TRIM21: variants seen among roughly 807,000 people sequenced by gnomAD.
The protein encoded by TRIM21 is tripartite motif containing 21.
In TRIM21, 35 loss-of-function variants were observed where a neutral mutation model predicts 36.1. The observed-to-expected ratio is 0.97, with a 90% CI of 0.74 to 1.28. The LOEUF (loss-of-function observed/expected upper bound fraction) is 1.28, where lower values mean the gene tolerates loss of function less well. Among genes scored for constraint, TRIM21 ranks in the 50% most tolerant of loss-of-function variants. The pLI is 0.00. For missense variants in TRIM21, 635 were observed against 570.7 expected, an observed-to-expected ratio of 1.11 and a Z score of -1.15; for synonymous variants, 256 against 211.5, an observed-to-expected ratio of 1.21 and a Z score of -1.83.
chr11:4,386,497 C>T (rs768834495), intron 5 of TRIM21, among the ~76,000 whole-genome samples: 2 of 152,194 alleles, frequency 1.3e-5, no homozygotes, highest in Non-Finnish European at 2.9e-5. Context: ...CCTGTCTAAG[C>T]CTGAGGTCAC....
At chr11:4,386,925 C>T (rs375985425) in intron 5 of TRIM21, 43 bp downstream of exon 5, 3 of 1,565,798 alleles carry the variant, frequency 1.9e-6, no homozygotes, top group Non-Finnish European at 2.6e-6. Flanking sequence ...GGCATATATG[C>T]TTTCTGCTGG....
At chr11:4,386,316 A>G in intron 5 of TRIM21, 59 bp from the exon 6 acceptor site, 1 of 1,362,914 alleles carries the variant, frequency 7.3e-7, no homozygotes, top group Non-Finnish European at 1.0e-6. Flanking sequence ...CCCTAACACT[A>G]TAACCTCCAT....
Position 4,385,165 on chromosome 11 carries a change from G to C in TRIM21, c.*120C>G. ...GTGACTTCCCTGCTAAAGCTCGCTT[G>C]CTGGGATCCGGATGCCTCTGCAGAG... On this transcript the variant is annotated 3_prime_UTR_variant, in exon 7 of 7. Transcript: ENST00000254436. 1.0e-6 allele frequency: 1 copy of C among 963,012 alleles called. No individual in the cohort carries two copies. 59.7% of individuals were successfully genotyped at this position (963,012 alleles called of 1,614,324 possible).
intron 3 of TRIM21, among the ~76,000 whole-genome samples, chr11:4,389,449 C>T (rs2094960100): frequency 1.3e-5 from 2 of 152,182 alleles, no homozygotes; most frequent in African/African-American, 4.8e-5. Flanking sequence ...GATCTTCAGG[C>T]CTGATGGGGA....
intron 1 of TRIM21, among the ~76,000 whole-genome samples, chr11:4,391,445 G>A (rs2094962946): frequency 6.6e-6 from 1 of 152,160 alleles, no homozygotes; most frequent in South Asian, 2.1e-4. Flanking sequence ...GTGAGGGTGT[G>A]GAGAAAAGGG....
chr11:4,390,269 C>T lies in TRIM21; in HGVS notation c.141G>A (p.Gly47=). 6.2e-7 allele frequency: 1 copy of T among 1,613,964 alleles called. No homozygotes were observed. The highest frequency in any genetic ancestry group is 8.5e-7 in the Non-Finnish European group (1 of 1,179,890). Residue 47 remains glycine (G), a synonymous_variant, in exon 2 of 7, where the codon GGG becomes GGA. Transcript: ENST00000254436. Reference sequence around the variant, plus strand: ...GCCGGCACACAGGACAGACGCTGCCCCCACCTTTCCCAACCTGAGAGATGC... The same window carrying T: ...GCCGGCACACAGGACAGACGCTGCCTCCACCTTTCCCAACCTGAGAGATGC... ...QECISQVGKG[G]GSVCPVCRQR...
intron 6 of TRIM21, 109 bp downstream of exon 6, chr11:4,386,048 T>C (rs2094955963): frequency 1.7e-6 from 2 of 1,163,012 alleles, no homozygotes; most frequent in East Asian, 2.5e-5. Flanking sequence ...CCATCTCTGT[T>C]CCCCCTGCTC....
chr11:4,388,607 A>T, intron 3 of TRIM21, 77 bp from the exon 4 acceptor site: 1 of 1,415,822 alleles, frequency 7.1e-7, no homozygotes, highest in Non-Finnish European at 9.8e-7. Flanking sequence ...ATTGGTACCT[A>T]TTCCTATCCC....
chr11:4,392,665 T>C (rs1445176851), intron 1 of TRIM21, among the ~76,000 whole-genome samples: 4 of 152,244 alleles, frequency 2.6e-5, no homozygotes, highest in African/African-American at 9.6e-5. Flanking sequence ...GTTTGTTGAA[T>C]AAGTTTATTC....
chr11:4,386,883 C>T, intron 5 of TRIM21, 85 bp downstream of exon 5: 1 of 1,400,622 alleles, frequency 7.1e-7, no homozygotes, highest in African/African-American at 1.4e-5. Flanking sequence ...AACTTCAGTG[C>T]ATGTACTTCT....
chr11:4,385,957 T>G (rs1590835612), intron 6 of TRIM21, 104 bp from the exon 7 acceptor site: 1 of 1,224,790 alleles, frequency 8.2e-7, no homozygotes, highest in Non-Finnish European at 1.1e-6. Context: ...GCATGAGGGG[T>G]GAACCTCCCT....
chr11:4,386,311 AC>A, intron 5 of TRIM21, 54 bp from the exon 6 acceptor site: 6 of 1,414,810 alleles, frequency 4.2e-6, no homozygotes, highest in Non-Finnish European at 6.0e-6. Context: ...CCAAACCCTA[AC>A]ACTATAACCT....
At position 4,385,712 on chromosome 11, in the gene TRIM21, G is replaced by A. The variant is rs1423870746; in HGVS notation, c.1001C>T (p.Ala334Val). The A allele has an allele frequency of 1.9e-6, 3 of 1,613,162 alleles. No individual in the cohort carries two copies. Among genetic ancestry groups the A allele is most frequent in the East Asian group, 2.2e-5 (1 of 44,858 alleles). ...ATGTTTTCCAGAGTGAAAGTGCTGG[G>A]CACCCAGGACCATAGGATAACTATC... The part of the protein sequence containing the change: ...RFDSYPMVLG[A>V]QHFHSGKHYW... Residue 334 changes from alanine to valine, a missense_variant, in exon 7 of 7, where the codon GCC becomes GTC. Coordinates refer to ENST00000254436, the MANE Select transcript of TRIM21 (RefSeq NM_003141.4).
intron 4 of TRIM21, 39 bp from the exon 5 acceptor site, chr11:4,387,029 T>C: frequency 6.4e-7 from 1 of 1,560,842 alleles, no homozygotes; most frequent in Non-Finnish European, 8.7e-7. Flanking sequence ...TCTGGATTGC[T>C]GGATCGCCAC....
At chr11:4,386,284 T>C (rs1233825167) in intron 5 of TRIM21, 27 bp from the exon 6 acceptor site, 4 of 1,559,262 alleles carry the variant, frequency 2.6e-6, no homozygotes, top group Non-Finnish European at 3.5e-6. Flanking sequence ...TTGAGACTCC[T>C]GTCTCCTACT....
Position 4,390,452 on chromosome 11 carries a change from G to T in TRIM21, c.-43C>A, listed in dbSNP as rs764560876. 2 of 1,536,810 alleles carry T rather than the reference G, an allele frequency of 1.3e-6. No individual in the cohort carries two copies. The highest frequency in any genetic ancestry group is 8.8e-7 in the Non-Finnish European group (1 of 1,138,388). On this transcript the variant is annotated 5_prime_UTR_variant, in exon 2 of 7. Transcript: ENST00000254436. ...AACAGCAGTGTGGAGACCTTTAGGG[G>T]GTTTGGCTGGGAGAGAAGAAGAAAG...
In TRIM21 at chr11:4,390,168, T is replaced by A. The variant is rs1328378156; in HGVS notation, c.242A>T (p.Gln81Leu). The A allele has an allele frequency of 5.6e-6, 9 of 1,614,040 alleles. No homozygotes were observed. The South Asian group carries it at 9.9e-5, about 18-fold the overall frequency. ...NMVNNLKEIS[Q>L]EAREGTQGER... ...CCCCTGTGTGCCCTCTCTGGCCTCCTGGCTGATTTCTTTAAGGTTGTTCAC... is the reference window on the plus strand; with the variant it reads ...CCCCTGTGTGCCCTCTCTGGCCTCCAGGCTGATTTCTTTAAGGTTGTTCAC... Residue 81 changes from glutamine to leucine, a missense_variant, in exon 2 of 7, where the codon CAG becomes CTG. Transcript: ENST00000254436.
chr11:4,391,106 G>A (rs2094962618), intron 1 of TRIM21, among the ~76,000 whole-genome samples: 1 of 152,158 alleles, frequency 6.6e-6, no homozygotes. Flanking sequence ...GTGCTGCACA[G>A]CAAAAGAAAC....
Position 4,390,145 on chromosome 11 carries a change from CCT to C in TRIM21, c.263_264del (p.Gln88ArgfsTer16). 3.1e-6 allele frequency: 5 copies of C among 1,614,034 alleles called. No homozygotes were observed. Among genetic ancestry groups the C allele is most frequent in the Non-Finnish European group, 3.4e-6 (4 of 1,179,890 alleles). ...EISQEAREGT[Q>X]GERCAVHGER... ...TCTCCATGCACTGCACACCGTTCCC[CCT>C]GTGTGCCCTCTCTGGCCTCCTGGCT... is the stretch of plus-strand genomic sequence containing the variant. On this transcript the variant is annotated frameshift_variant, in exon 2 of 7. Coordinates refer to ENST00000254436, the MANE Select transcript of TRIM21 (RefSeq NM_003141.4). LOFTEE classifies it high-confidence loss of function.
Sources: allele counts gnomAD v4.1 joint callset (sites outside exome capture counted in the v4.1 genomes callset), GRCh38; gene constraint gnomAD v4.1.1; transcripts MANE v1.5; gene names NCBI Gene and HGNC (gene_info 2026-07-23, HGNC 2026-07-21).